The following ASAP2 variants were observed in gnomAD, a reference collection of about 807,000 sequenced individuals.
The protein encoded by ASAP2 is ArfGAP with SH3 domain, ankyrin repeat and PH domain 2.
In ASAP2, 45 loss-of-function variants were observed where a neutral mutation model predicts 131.4. The ratio of observed to expected loss-of-function variants is 0.34; its 90% confidence interval spans 0.27 to 0.44. The LOEUF (loss-of-function observed/expected upper bound fraction) is 0.44, where lower values mean the gene tolerates loss of function less well. Among genes scored for constraint, ASAP2 ranks in the 20% least tolerant of loss-of-function variants. The pLI is 1.00. For synonymous variants in ASAP2, 510 were observed against 503.0 expected (o/e 1.01, Z -0.19); for missense variants, 1,011 against 1,297.0 (o/e 0.78, Z 3.39).
intron 1 of ASAP2, among the ~76,000 whole-genome samples, chr2:9,229,106 G>A (rs1413606920): frequency 2.0e-5 from 3 of 152,214 alleles, no homozygotes; most frequent in East Asian, 3.9e-4. Context: ...GCAGAGAAGC[G>A]GAGTTTTAGT....
intron 3 of ASAP2, among the ~76,000 whole-genome samples, chr2:9,308,345 T>C (rs1669084138): frequency 6.6e-6 from 1 of 152,158 alleles, no homozygotes; most frequent in Non-Finnish European, 1.5e-5. Context: ...ACTCACTTGC[T>C]ACACAGTACC....
At chr2:9,270,991 C>T (rs1666340892) in intron 1 of ASAP2, among the ~76,000 whole-genome samples, 1 of 151,610 alleles carries the variant, frequency 6.6e-6, no homozygotes, top group Non-Finnish European at 1.5e-5. Flanking sequence ...GACGGGGTTT[C>T]ACCGTGTTAG....
chr2:9,374,730 G>A, intron 16 of ASAP2, 25 bp from the exon 17 acceptor site: 1 of 1,568,142 alleles, frequency 6.4e-7, no homozygotes, highest in Non-Finnish European at 8.6e-7. Flanking sequence ...TTCATGATTT[G>A]CAAGGCAATT....
chr2:9,279,533 G>A, intron 2 of ASAP2, 144 bp downstream of exon 2: 1 of 758,088 alleles, frequency 1.3e-6, no homozygotes, highest in South Asian at 1.8e-5. Flanking sequence ...GAGCTGGGAT[G>A]TTTCTTTTTC....
At chr2:9,230,089 C>T (rs778043565) in intron 1 of ASAP2, among the ~76,000 whole-genome samples, 2 of 152,140 alleles carry the variant, frequency 1.3e-5, no homozygotes, top group Non-Finnish European at 2.9e-5. Flanking sequence ...ATTAAAGGTC[C>T]CAGACACTGG....
chr2:9,356,405 A>C, intron 14 of ASAP2, 60 bp downstream of exon 14: 1 of 1,458,252 alleles, frequency 6.9e-7, no homozygotes, highest in Non-Finnish European at 9.2e-7. Context: ...ATTCTGATTC[A>C]CAGAATCCGT....
intron 14 of ASAP2, among the ~76,000 whole-genome samples, chr2:9,358,246 A>T (rs1470395127): frequency 1.3e-5 from 2 of 152,230 alleles, no homozygotes; most frequent in African/African-American, 4.8e-5. Context: ...TTAACAACAC[A>T]AACTGTTATT....
At chr2:9,334,951 C>G (rs1416357713) in intron 8 of ASAP2, 138 bp downstream of exon 8, 3 of 1,343,584 alleles carry the variant, frequency 2.2e-6, no homozygotes, top group Non-Finnish European at 3.1e-6. Flanking sequence ...CGCCTGTCCT[C>G]TGTCTTGGTG....
intron 1 of ASAP2, among the ~76,000 whole-genome samples, chr2:9,253,661 T>C (rs1240981897): frequency 6.6e-6 from 1 of 152,228 alleles, no homozygotes; most frequent in East Asian, 1.9e-4. Flanking sequence ...AATGGAATGA[T>C]AGGGTATGTA....
chr2:9,380,509 C>T (rs539656423), intron 19 of ASAP2, among the ~76,000 whole-genome samples: 1 of 152,292 alleles, frequency 6.6e-6, no homozygotes, highest in Admixed American at 6.5e-5. Flanking sequence ...GTTTTAGTTT[C>T]TTGATTAGTT....
intron 3 of ASAP2, among the ~76,000 whole-genome samples, chr2:9,305,811 G>T (rs62121344): frequency 3.5e-5 from 3 of 85,908 alleles, no homozygotes; most frequent in Non-Finnish European, 8.9e-5. Flanking sequence ...GAGTAGTGAC[G>T]TATAGATATT....
chr2:9,211,205 T>G (rs1661524419), intron 1 of ASAP2, among the ~76,000 whole-genome samples: 1 of 151,932 alleles, frequency 6.6e-6, no homozygotes, highest in Admixed American at 6.6e-5. Context: ...AGAGCATACC[T>G]GTATTTTATA....
At chr2:9,350,778 C>T (rs766811908) in intron 11 of ASAP2, 30 bp from the exon 12 acceptor site, 1 of 1,597,338 alleles carries the variant, frequency 6.3e-7, no homozygotes, top group Non-Finnish European at 8.6e-7. Flanking sequence ...CCAACCCCAA[C>T]CTTTTTTGTT....
At chr2:9,327,972 A>C (rs1670585326) in intron 7 of ASAP2, 61 bp downstream of exon 7, 1 of 1,251,706 alleles carries the variant, frequency 8.0e-7, no homozygotes, top group African/African-American at 1.5e-5. Flanking sequence ...CTTCTGGTAG[A>C]TCTATAGATA....
At chr2:9,315,774 C>T (rs188085455) in intron 3 of ASAP2, among the ~76,000 whole-genome samples, 96 of 152,244 alleles carry the variant, frequency 6.3e-4, no homozygotes, top group Non-Finnish European at 1.1e-3. Context: ...CCTTAAACTG[C>T]GCTTTTCAGC....
chr2:9,375,737 G>A (rs1418731935), intron 17 of ASAP2, among the ~76,000 whole-genome samples: 22 of 152,228 alleles, frequency 1.4e-4, no homozygotes, highest in Admixed American at 1.4e-3. Flanking sequence ...AGGTGGAGGA[G>A]AAGACATCTC....
chr2:9,270,785 ATTTTTTTTTTT>A (rs35913703), intron 1 of ASAP2, among the ~76,000 whole-genome samples: 656 of 52,986 alleles, frequency 0.012, 14 homozygotes, highest in African/African-American at 0.044. Flanking sequence ...AATTGTTTTC[ATTTTTTTTTTT>A]TTTTTTTTTT....
chr2:9,274,215 C>A (rs761396457), intron 1 of ASAP2, among the ~76,000 whole-genome samples: 13 of 152,086 alleles, frequency 8.5e-5, no homozygotes, highest in Admixed American at 8.5e-4. Context: ...CTTCATCCTT[C>A]CAATTTGGAG....
chr2:9,369,566 G>A (rs940493591), intron 16 of ASAP2, among the ~76,000 whole-genome samples: 2 of 152,154 alleles, frequency 1.3e-5, no homozygotes, highest in South Asian at 2.1e-4. Context: ...TGAAACAGAC[G>A]GAAGGAAGGA....
Sources: gnomAD v4.1 joint callset for allele counts (sites outside exome capture counted in the v4.1 genomes callset) on GRCh38, gnomAD v4.1.1 for gene constraint, MANE v1.5 for transcripts, NCBI Gene and HGNC (gene_info 2026-07-23, HGNC 2026-07-21) for gene names.